Variants in HMGCLL1 observed in about 807,000 individuals in gnomAD.
The protein encoded by HMGCLL1 is 3-hydroxy-3-methylglutaryl-CoA lyase like 1.
A neutral mutation model predicts 39.1 loss-of-function variants in HMGCLL1; 36 were observed. The ratio of observed to expected loss-of-function variants is 0.92; its 90% CI spans 0.71 to 1.22. The LOEUF is 1.22. Ranked by LOEUF, HMGCLL1 falls within the 50% of genes most tolerant of loss-of-function variation. HMGCLL1 has a pLI of 0.00. For synonymous variants in HMGCLL1, 149 were observed against 144.0 expected, an observed-to-expected ratio of 1.03 and a Z score of -0.25; for missense variants, 451 against 416.5, an observed-to-expected ratio of 1.08 and a Z score of -0.72.
the HMGCLL1 span, among the ~76,000 whole-genome samples, chr6:55,652,350 C>G: frequency 6.6e-6 from 1 of 151,940 alleles, no homozygotes; most frequent in Non-Finnish European, 1.5e-5. Context: ...CTTTAAAAAT[C>G]TGGTAGACAT....
the HMGCLL1 span, among the ~76,000 whole-genome samples, chr6:55,589,558 T>C: frequency 6.6e-6 from 1 of 152,002 alleles, no homozygotes; most frequent in African/African-American, 2.4e-5. Flanking sequence ...CCAGGGCAAT[T>C]AGGCAGGGGA....
intron 8 of HMGCLL1, 70 bp downstream of exon 8, chr6:55,439,364 C>T (rs1763497681): frequency 6.8e-7 from 1 of 1,469,504 alleles, no homozygotes; most frequent in Non-Finnish European, 9.2e-7. Flanking sequence ...TTGCTTCCCA[C>T]ATCTTAGAAG....
At chr6:55,538,383 T>C (rs1769149894) in intron 3 of HMGCLL1, among the ~76,000 whole-genome samples, 1 of 152,240 alleles carries the variant, frequency 6.6e-6, no homozygotes, top group African/African-American at 2.4e-5. Context: ...CCAGCAATAA[T>C]CAAATATGTG....
At chr6:55,621,241 ATT>A in the HMGCLL1 span, among the ~76,000 whole-genome samples, 1 of 152,162 alleles carries the variant, frequency 6.6e-6, no homozygotes, top group East Asian at 1.9e-4. Context: ...AACATTGATT[ATT>A]CCAATACTTT....
chr6:55,552,332 T>A (rs923502568), intron 1 of HMGCLL1, among the ~76,000 whole-genome samples: 1 of 152,018 alleles, frequency 6.6e-6, no homozygotes, highest in South Asian at 2.1e-4. Context: ...TTTTTCACAA[T>A]GAGTACAGGT....
At chr6:55,529,181 T>A (rs750172242) in intron 3 of HMGCLL1, among the ~76,000 whole-genome samples, 1 of 152,118 alleles carries the variant, frequency 6.6e-6, no homozygotes, top group African/African-American at 2.4e-5. Flanking sequence ...CATTCTGAAG[T>A]AGGGCAAGAA....
At chr6:55,595,091 C>T in the HMGCLL1 span, among the ~76,000 whole-genome samples, 2 of 152,214 alleles carry the variant, frequency 1.3e-5, no homozygotes, top group African/African-American at 2.4e-5. Context: ...TCTCAATTTC[C>T]ATTTCTCGAG....
the HMGCLL1 span, among the ~76,000 whole-genome samples, chr6:55,594,309 T>C: frequency 3.3e-5 from 5 of 152,178 alleles, no homozygotes; most frequent in African/African-American, 1.2e-4. Flanking sequence ...AGAACACATG[T>C]CCCAGTTTTC....
chr6:55,648,785 G>A, the HMGCLL1 span, among the ~76,000 whole-genome samples: 2 of 102,780 alleles, frequency 1.9e-5, no homozygotes, highest in Middle Eastern at 3.9e-3. Flanking sequence ...TCTACCAGAG[G>A]TACAAGGAGG....
the HMGCLL1 span, among the ~76,000 whole-genome samples, chr6:55,671,266 A>C: frequency 6.6e-6 from 1 of 151,756 alleles, no homozygotes; most frequent in African/African-American, 2.4e-5. Context: ...GTTTTCTCTG[A>C]CTGGTGGGAT....
chr6:55,496,795 C>T (rs531730812), intron 6 of HMGCLL1, among the ~76,000 whole-genome samples: 4 of 152,178 alleles, frequency 2.6e-5, no homozygotes, highest in South Asian at 2.1e-4. Flanking sequence ...TTCAAGATAA[C>T]GAAAATCAAA....
rs148657975 is a variant in HMGCLL1 at position 55,478,317 on chromosome 6, G to A, written c.795+17102C>T. 5.3e-5 allele frequency among the ~76,000 whole-genome samples: 8 copies of A among 151,248 alleles called. No individual in the cohort carries two copies. The South Asian group carries it at 6.2e-4, about 12-fold the overall frequency. On this transcript the variant is annotated intron_variant, in intron 7 of 8. Transcript: ENST00000274901. ...TCATGAAGGAATTCAAAGTTCTACC[G>A]AAAATCAATAAAGGCTTTCGAACAG... is the stretch of plus-strand genomic sequence containing the variant.
intron 3 of HMGCLL1, among the ~76,000 whole-genome samples, chr6:55,534,894 A>T (rs1214718938): frequency 2.6e-5 from 4 of 152,240 alleles, no homozygotes; most frequent in African/African-American, 9.6e-5. Flanking sequence ...ATTTGCACAA[A>T]CACATAAAAT....
chr6:55,477,893 A>G (rs1387641399), intron 7 of HMGCLL1, among the ~76,000 whole-genome samples: 1 of 150,962 alleles, frequency 6.6e-6, no homozygotes, highest in African/African-American at 2.5e-5. Flanking sequence ...TTCTTATATG[A>G]TTTTGGAACC....
At chr6:55,546,424 C>T (rs1769980644) in intron 1 of HMGCLL1, among the ~76,000 whole-genome samples, 1 of 151,902 alleles carries the variant, frequency 6.6e-6, no homozygotes, top group Admixed American at 6.6e-5. Flanking sequence ...AAAATGGATA[C>T]ATAATAAGCA....
At chr6:55,576,478 A>G (rs1771766479) in intron 1 of HMGCLL1, among the ~76,000 whole-genome samples, 1 of 152,222 alleles carries the variant, frequency 6.6e-6, no homozygotes, top group Non-Finnish European at 1.5e-5. Flanking sequence ...CCACTCTTAA[A>G]AGCAATGGAA....
At chr6:55,631,621 A>G in the HMGCLL1 span, among the ~76,000 whole-genome samples, 3 of 152,102 alleles carry the variant, frequency 2.0e-5, no homozygotes, top group Non-Finnish European at 4.4e-5. Flanking sequence ...ACTAGAGCGC[A>G]CTGTTTCTAG....
At chr6:55,601,486 C>T in the HMGCLL1 span, among the ~76,000 whole-genome samples, 1 of 152,146 alleles carries the variant, frequency 6.6e-6, no homozygotes, top group African/African-American at 2.4e-5. Context: ...AATTCCACTG[C>T]ATTCTATTAA....
chr6:55,661,823 A>T, the HMGCLL1 span, among the ~76,000 whole-genome samples: 1 of 151,660 alleles, frequency 6.6e-6, no homozygotes, highest in Admixed American at 6.6e-5. Flanking sequence ...CATTTTAGTG[A>T]TATTGATTCT....
Sources: allele counts gnomAD v4.1 joint callset (sites outside exome capture counted in the v4.1 genomes callset), GRCh38; gene constraint gnomAD v4.1.1; transcripts MANE v1.5; gene names NCBI Gene and HGNC (gene_info 2026-07-23, HGNC 2026-07-21).